RASSF8: variants seen among roughly 807,000 people sequenced by gnomAD.
The protein encoded by RASSF8 is ras association domain-containing protein 8.
A neutral mutation model predicts 48.5 loss-of-function variants in RASSF8; 22 were observed. That is an observed-to-expected ratio of 0.45 (90% confidence interval 0.32 to 0.65). The LOEUF (loss-of-function observed/expected upper bound fraction) is 0.65, where lower values mean the gene tolerates loss of function less well. RASSF8 is among the 30% of genes least tolerant of loss of function. The pLI, the probability that RASSF8 is intolerant of heterozygous loss-of-function variation, is 0.03. For synonymous variants in RASSF8, 127 were observed against 171.5 expected (o/e 0.74, Z 2.03); for missense variants, 418 against 489.2 (o/e 0.85, Z 1.37).
At chr12:25,969,546 A>C (rs535681275) in intron 1 of RASSF8, among the ~76,000 whole-genome samples, 2 of 152,272 alleles carry the variant, frequency 1.3e-5, no homozygotes, top group East Asian at 3.9e-4. Flanking sequence ...CAGTTAGGAG[A>C]TAATTGCAAC....
intron 2 of RASSF8, among the ~76,000 whole-genome samples, chr12:26,042,386 A>C (rs889956294): frequency 1.3e-4 from 20 of 152,236 alleles, no homozygotes; most frequent in Non-Finnish European, 2.9e-4. Flanking sequence ...CCAGAATCTG[A>C]AAATGGCTTG....
chr12:26,062,705 A>G (rs1318663556), intron 3 of RASSF8, among the ~76,000 whole-genome samples: 2 of 152,198 alleles, frequency 1.3e-5, no homozygotes, highest in Non-Finnish European at 2.9e-5. Flanking sequence ...AAAAATAAAT[A>G]AATAAATAAA....
chr12:26,066,971 A>G (rs1200335016), intron 4 of RASSF8, among the ~76,000 whole-genome samples: 3 of 152,270 alleles, frequency 2.0e-5, no homozygotes, highest in South Asian at 2.1e-4. Context: ...TAGGAATTCC[A>G]TAGTGAGAAT....
At chr12:26,017,733 G>T (rs1214220969) in intron 2 of RASSF8, among the ~76,000 whole-genome samples, 3 of 152,248 alleles carry the variant, frequency 2.0e-5, no homozygotes, top group Admixed American at 6.5e-5. Context: ...GACTGGGGAA[G>T]CCCCCATGCC....
rs1943995069 is a variant in RASSF8, at chr12:26,071,312, G to A, written c.*2494G>A. On this transcript the variant is annotated 3_prime_UTR_variant, in exon 6 of 6. Coordinates refer to ENST00000689635, the MANE Select transcript of RASSF8 (RefSeq NM_001394098.1). Reference sequence around the variant, plus strand: ...CCTGGATACATTTCGGAGGGGTAGTGGGCAATGGTATACAAAAATACCAAA... The same window carrying A: ...CCTGGATACATTTCGGAGGGGTAGTAGGCAATGGTATACAAAAATACCAAA... 1.0e-6 allele frequency: 1 copy of A among 980,092 alleles called. No homozygotes were observed. Among genetic ancestry groups the A allele is most frequent in the Middle Eastern group, 5.3e-4 (1 of 1,902 alleles). 60.7% of individuals were successfully genotyped at this position (980,092 alleles called of 1,614,324 possible). A position where few individuals can be genotyped will look rare whatever the true frequency, so the allele number is the denominator to read the frequency against.
intron 1 of RASSF8, among the ~76,000 whole-genome samples, chr12:25,988,658 C>T (rs985444176): frequency 6.6e-6 from 1 of 152,218 alleles, no homozygotes; most frequent in African/African-American, 2.4e-5. Flanking sequence ...GCCACCTGCA[C>T]TGCCAGTTCA....
intron 2 of RASSF8, among the ~76,000 whole-genome samples, chr12:26,033,097 C>T (rs1943062816): frequency 6.6e-6 from 1 of 152,106 alleles, no homozygotes; most frequent in Non-Finnish European, 1.5e-5. Context: ...GACTTTTCCC[C>T]TGAGGTAAAT....
Position 26,028,727 on chromosome 12 carries a change from G to A in RASSF8, c.-108-26509G>A, listed in dbSNP as rs138766050. Among the ~76,000 whole-genome samples the A allele has an allele frequency of 6.5e-3, 992 of 152,064 alleles. 13 individuals carry two copies. The highest frequency in any genetic ancestry group is 0.023 in the African/African-American group (949 of 41,476). The stretch of plus-strand genomic sequence containing the variant: ...GGGGTGAATGAGGAAGAGTGTACTG[G>A]GTATATTTTGTATAAGGTGCTATGA... On this transcript the variant is annotated intron_variant, in intron 2 of 5. Transcript: ENST00000689635.
chr12:26,069,496 C>A lies in RASSF8; in HGVS notation c.*678C>A. 1.0e-6 allele frequency: 1 copy of A among 985,372 alleles called. No homozygotes were observed. The highest frequency in any genetic ancestry group is 4.7e-5 in the South Asian group (1 of 21,280). The allele number at this position is 985,372 out of a possible 1,614,324, so 61.0% of individuals were successfully genotyped here. On this transcript the variant is annotated 3_prime_UTR_variant, in exon 6 of 6. Coordinates refer to ENST00000689635, the MANE Select transcript of RASSF8 (RefSeq NM_001394098.1). ...ATATACGTGTGGCCACAGAGCATAA[C>A]AGATATTTTTCATAAGCTAAATTGT... is the stretch of plus-strand genomic sequence containing the variant.
intron 1 of RASSF8, among the ~76,000 whole-genome samples, chr12:25,987,467 T>C (rs1318393670): frequency 1.3e-5 from 2 of 152,206 alleles, no homozygotes; most frequent in Non-Finnish European, 2.9e-5. Context: ...AATTCCATAC[T>C]AAGGCAGGAA....
At chr12:26,077,232 G>A (rs1233043385), downstream of RASSF8, among the ~76,000 whole-genome samples, 6 of 152,172 alleles carry the variant, frequency 3.9e-5, no homozygotes, top group Non-Finnish European at 7.3e-5. Context: ...TCTGATAGTA[G>A]TTTCTTTCGC....
chr12:26,053,155 A>C (rs150816222), intron 2 of RASSF8, among the ~76,000 whole-genome samples: 2,905 of 150,912 alleles, frequency 0.019, 49 homozygotes, highest in Non-Finnish European at 0.029. Flanking sequence ...AAATGTGTTA[A>C]ATGGATAGAT....
At chr12:25,981,058 G>C (rs1011030730) in intron 1 of RASSF8, among the ~76,000 whole-genome samples, 2 of 152,056 alleles carry the variant, frequency 1.3e-5, no homozygotes, top group African/African-American at 2.4e-5. Flanking sequence ...GATCAGGGTC[G>C]GATGCGTCCT....
intron 2 of RASSF8, among the ~76,000 whole-genome samples, chr12:26,029,589 C>G (rs1942985806): frequency 6.6e-6 from 1 of 152,192 alleles, no homozygotes; most frequent in Admixed American, 6.5e-5. Flanking sequence ...TGTTAATCAT[C>G]AGCTGTGCTC....
chr12:26,040,615 T>G (rs1301339218), intron 2 of RASSF8, among the ~76,000 whole-genome samples: 2 of 152,152 alleles, frequency 1.3e-5, no homozygotes, highest in African/African-American at 2.4e-5. Flanking sequence ...TCTGAAAACA[T>G]CTGTCCCATG....
chr12:26,063,039 G>A (rs773956738), intron 3 of RASSF8, among the ~76,000 whole-genome samples: 1 of 152,130 alleles, frequency 6.6e-6, no homozygotes, highest in Non-Finnish European at 1.5e-5. Flanking sequence ...ACATACATGG[G>A]TGTTGATATT....
intron 2 of RASSF8, among the ~76,000 whole-genome samples, chr12:26,043,330 T>C (rs755835536): frequency 3.3e-5 from 5 of 151,942 alleles, no homozygotes; most frequent in Admixed American, 1.3e-4. Flanking sequence ...GGGAGAGTGA[T>C]AGATTGAGAG....
chr12:26,057,037 G>C (rs895778269), intron 3 of RASSF8, among the ~76,000 whole-genome samples: 1 of 151,620 alleles, frequency 6.6e-6, no homozygotes, highest in Non-Finnish European at 1.5e-5. Flanking sequence ...AAAAAAAGTA[G>C]TTTTTACAAA....
Position 26,026,940 on chromosome 12 carries a change from T to A in RASSF8, c.-108-28296T>A, listed in dbSNP as rs74447332. 3.1e-3 allele frequency among the ~76,000 whole-genome samples: 470 copies of A among 152,318 alleles called. 17 individuals carry two copies. In the East Asian group the frequency reaches 0.077, roughly 25 times the overall value. On this transcript the variant is annotated intron_variant, in intron 2 of 5. Coordinates refer to ENST00000689635, the MANE Select transcript of RASSF8 (RefSeq NM_001394098.1). ...AAATATATGTCCATGCAAAAAGTTG[T>A]ACATGAATGTTCATAGCAGCATTAT...
Sources: gnomAD v4.1 joint callset for allele counts (sites outside exome capture counted in the v4.1 genomes callset) on GRCh38, gnomAD v4.1.1 for gene constraint, MANE v1.5 for transcripts, NCBI Gene and HGNC (gene_info 2026-07-23, HGNC 2026-07-21) for gene names.